Variants in GRM1 observed in about 807,000 individuals in gnomAD.
The protein encoded by GRM1 is glutamate metabotropic receptor 1.
A neutral mutation model predicts 90.9 loss-of-function variants in GRM1; 33 were observed. That is an observed-to-expected ratio of 0.36 (90% CI 0.28 to 0.49). The LOEUF is 0.49. Among genes scored for constraint, GRM1 ranks in the 20% least tolerant of loss-of-function variants. GRM1 has a pLI of 0.99. For synonymous variants in GRM1, 700 were observed against 613.2 expected (o/e 1.14, Z -2.09); for missense variants, 1,190 against 1,534.3 (o/e 0.78, Z 3.75).
intron 2 of GRM1, among the ~76,000 whole-genome samples, chr6:146,161,100 A>G (rs73783603): frequency 0.12 from 18,811 of 152,194 alleles, 2,121 homozygotes; most frequent in African/African-American, 0.29. Flanking sequence ...GTGTCCAGAC[A>G]TTCAGGCCTT....
intron 2 of GRM1, among the ~76,000 whole-genome samples, chr6:146,270,887 T>G (rs1400536545): frequency 9.4e-6 from 1 of 106,050 alleles, no homozygotes; most frequent in African/African-American, 4.7e-5. Flanking sequence ...CTTTCTTTCT[T>G]TCTTTCTTTC....
intron 2 of GRM1, among the ~76,000 whole-genome samples, chr6:146,290,781 A>C (rs574145954): frequency 2.6e-5 from 4 of 152,306 alleles, no homozygotes; most frequent in African/African-American, 7.2e-5. Context: ...TGTTTCACTC[A>C]TACCTGCTTT....
intron 2 of GRM1, among the ~76,000 whole-genome samples, chr6:146,179,235 C>T (rs1364381400): frequency 1.3e-5 from 2 of 152,182 alleles, no homozygotes; most frequent in Admixed American, 1.3e-4. Flanking sequence ...AGCAAGATTC[C>T]TTTCAGATCC....
intron 1 of GRM1, among the ~76,000 whole-genome samples, chr6:146,042,252 T>C (rs918340959): frequency 1.3e-5 from 2 of 152,010 alleles, no homozygotes; most frequent in Admixed American, 6.6e-5. Context: ...CAGTAGTGTG[T>C]CAGTTTATAA....
chr6:146,334,211 T>C (rs1011657212), intron 3 of GRM1, among the ~76,000 whole-genome samples: 1 of 152,186 alleles, frequency 6.6e-6, no homozygotes, highest in African/African-American at 2.4e-5. Context: ...ACTGGAGATG[T>C]GCAGTCCAGG....
At position 146,433,976 on chromosome 6, in the gene GRM1, C is replaced by G. The variant is rs773503148; in HGVS notation, c.2765C>G (p.Thr922Arg). The change falls in exon 8 of 8, where the codon ACG (threonine) becomes AGG (arginine). Residue 922 changes from threonine (T) to arginine (R), a missense_variant. Coordinates refer to ENST00000282753, the MANE Select transcript of GRM1 (RefSeq NM_001278064.2). ...RLSVHVKTNE[T>R]ACNQTAVIKP... is the part of the protein sequence containing the mutation. ...TCTGTGCACGTGAAGACCAATGAGA[C>G]GGCCTGCAACCAAACAGCCGTCATC... The G allele has an allele frequency of 1.2e-6, 2 of 1,613,896 alleles. No individual in the cohort carries two copies. Among genetic ancestry groups the G allele is most frequent in the Non-Finnish European group, 1.7e-6 (2 of 1,179,790 alleles).
At chr6:146,318,074 A>G (rs897545761) in intron 3 of GRM1, among the ~76,000 whole-genome samples, 3 of 152,224 alleles carry the variant, frequency 2.0e-5, no homozygotes, top group African/African-American at 7.2e-5. Flanking sequence ...GTAGATATAC[A>G]TGTGCCATGG....
At chr6:146,368,263 G>C (rs973847144) in intron 5 of GRM1, among the ~76,000 whole-genome samples, 4 of 138,114 alleles carry the variant, frequency 2.9e-5, no homozygotes, top group South Asian at 2.5e-4. Flanking sequence ...TTTTTTTTGG[G>C]GGGGGGGGTA....
At chr6:146,184,777 A>T (rs1401327439) in intron 2 of GRM1, among the ~76,000 whole-genome samples, 1 of 152,156 alleles carries the variant, frequency 6.6e-6, no homozygotes, top group African/African-American at 2.4e-5. Flanking sequence ...TCATGCAGGG[A>T]TGTAGCCTGA....
At chr6:146,361,333 G>T (rs1485155068) in intron 5 of GRM1, among the ~76,000 whole-genome samples, 1 of 152,196 alleles carries the variant, frequency 6.6e-6, no homozygotes, top group East Asian at 1.9e-4. Flanking sequence ...AGTGCTGATA[G>T]CCAAGGGCCC....
At chr6:146,242,161 G>A (rs1780888173) in intron 2 of GRM1, among the ~76,000 whole-genome samples, 1 of 152,142 alleles carries the variant, frequency 6.6e-6, no homozygotes, top group Admixed American at 6.6e-5. Context: ...CTCCAGGTGA[G>A]ATGTGATTAC....
intron 2 of GRM1, among the ~76,000 whole-genome samples, chr6:146,227,777 A>G (rs1363715129): frequency 6.6e-6 from 1 of 152,198 alleles, no homozygotes; most frequent in Non-Finnish European, 1.5e-5. Context: ...GGGAAAGCAT[A>G]TAATGCAGAA....
At chr6:146,034,420 G>A (rs1466270083) in intron 1 of GRM1, among the ~76,000 whole-genome samples, 5 of 151,840 alleles carry the variant, frequency 3.3e-5, no homozygotes, top group Admixed American at 3.3e-4. Context: ...ACATCCCAAG[G>A]TCTTTTCAGA....
intron 3 of GRM1, among the ~76,000 whole-genome samples, chr6:146,346,948 T>G (rs1232353182): frequency 6.6e-6 from 1 of 152,196 alleles, no homozygotes; most frequent in Non-Finnish European, 1.5e-5. Context: ...AATGCTTCCT[T>G]GCTTTATGAG....
chr6:146,288,471 A>G (rs976099812), intron 2 of GRM1, among the ~76,000 whole-genome samples: 19 of 152,160 alleles, frequency 1.2e-4, no homozygotes, highest in Non-Finnish European at 2.6e-4. Flanking sequence ...GCAGTCATGA[A>G]CCATAGAACA....
At chr6:146,343,412 A>C (rs1449438651) in intron 3 of GRM1, among the ~76,000 whole-genome samples, 1 of 152,172 alleles carries the variant, frequency 6.6e-6, no homozygotes, top group Non-Finnish European at 1.5e-5. Flanking sequence ...CTGAGAACAG[A>C]GTATCTACAT....
At chr6:146,323,334 T>C (rs1267683731) in intron 3 of GRM1, among the ~76,000 whole-genome samples, 2 of 152,262 alleles carry the variant, frequency 1.3e-5, no homozygotes, top group Non-Finnish European at 2.9e-5. Context: ...ATTTCTTTGA[T>C]GGCCGGTGAT....
intron 3 of GRM1, among the ~76,000 whole-genome samples, chr6:146,323,717 G>A (rs1784292493): frequency 6.6e-6 from 1 of 152,092 alleles, no homozygotes; most frequent in Non-Finnish European, 1.5e-5. Flanking sequence ...GGGTTTTTAT[G>A]GTTTTAGGTC....
chr6:146,146,511 T>A (rs1023076587), intron 1 of GRM1, among the ~76,000 whole-genome samples: 21 of 152,170 alleles, frequency 1.4e-4, no homozygotes, highest in Non-Finnish European at 2.9e-5. Flanking sequence ...GGGATTGGAA[T>A]GAAGGTATTT....
Sources: allele counts gnomAD v4.1 joint callset (sites outside exome capture counted in the v4.1 genomes callset), GRCh38; gene constraint gnomAD v4.1.1; transcripts MANE v1.5; gene names NCBI Gene and HGNC (gene_info 2026-07-23, HGNC 2026-07-21).